The following DROSHA variants were observed in gnomAD, a reference collection of about 807,000 sequenced individuals.
DROSHA encodes drosha ribonuclease III, also known as ribonuclease 3.
A neutral mutation model predicts 181.9 loss-of-function variants in DROSHA; 56 were observed. The ratio of observed to expected loss-of-function variants is 0.31; its 90% CI spans 0.25 to 0.38. The LOEUF (loss-of-function observed/expected upper bound fraction) is 0.38, where lower values mean the gene tolerates loss of function less well. DROSHA is among the 10% of genes least tolerant of loss of function. DROSHA has a pLI of 1.00. For missense variants in DROSHA, 1,218 were observed against 1,743.5 expected (o/e 0.70, Z 5.37); for synonymous variants, 524 against 591.2 (o/e 0.89, Z 1.65).
chr5:31,504,713 G>T, intron 10 of DROSHA, 78 bp from the exon 11 acceptor site: 1 of 1,490,512 alleles, frequency 6.7e-7, no homozygotes, highest in Non-Finnish European at 9.3e-7. Flanking sequence ...CCGAAAATGC[G>T]TGGGTTTTAA....
intron 19 of DROSHA, among the ~76,000 whole-genome samples, chr5:31,464,805 T>G (rs1561203259): frequency 6.6e-6 from 1 of 152,050 alleles, no homozygotes; most frequent in Non-Finnish European, 1.5e-5. Context: ...GCATACTTTA[T>G]ATAAAAAAAG....
chr5:31,432,838 T>C (rs551210334), intron 25 of DROSHA, among the ~76,000 whole-genome samples: 118 of 152,334 alleles, frequency 7.7e-4, no homozygotes, highest in Non-Finnish European at 1.5e-3. Flanking sequence ...TCTTATCCCA[T>C]GGCATTACAA....
chr5:31,529,503 AG>A (rs895841529), intron 3 of DROSHA, among the ~76,000 whole-genome samples: 3 of 152,144 alleles, frequency 2.0e-5, no homozygotes, highest in Non-Finnish European at 4.4e-5. Flanking sequence ...TGGGAGGTCG[AG>A]GCAGGTGGAT....
chr5:31,440,733 C>T (rs1185840851), intron 23 of DROSHA, among the ~76,000 whole-genome samples: 1 of 152,166 alleles, frequency 6.6e-6, no homozygotes, highest in Admixed American at 6.5e-5. Flanking sequence ...AAGTTCCACA[C>T]CTGACCTTAT....
intron 29 of DROSHA, 150 bp from the exon 30 acceptor site, chr5:31,421,527 C>T: frequency 3.1e-6 from 2 of 637,060 alleles, no homozygotes; most frequent in Non-Finnish European, 5.5e-6. Flanking sequence ...CCTAAGGCCC[C>T]TCGATTGAGA....
intron 5 of DROSHA, among the ~76,000 whole-genome samples, chr5:31,525,368 G>A (rs1055646356): frequency 8.7e-5 from 13 of 149,092 alleles, no homozygotes; most frequent in Non-Finnish European, 1.8e-4. Context: ...GCCGAGTGTG[G>A]TCACGTGCAC....
intron 23 of DROSHA, among the ~76,000 whole-genome samples, chr5:31,441,546 T>C (rs1349542437): frequency 6.6e-6 from 1 of 152,168 alleles, no homozygotes; most frequent in African/African-American, 2.4e-5. Flanking sequence ...GTATGACACA[T>C]TATATTAACA....
intron 30 of DROSHA, among the ~76,000 whole-genome samples, chr5:31,413,609 T>C (rs1741594603): frequency 6.6e-6 from 1 of 152,216 alleles, no homozygotes; most frequent in Non-Finnish European, 1.5e-5. Flanking sequence ...CTGAAGATCC[T>C]GAGAGGAGCA....
chr5:31,405,783 T>C, intron 34 of DROSHA, 60 bp from the exon 35 acceptor site: 1 of 1,405,642 alleles, frequency 7.1e-7, no homozygotes, highest in Non-Finnish European at 9.5e-7. Context: ...TTTTTTTTTT[T>C]TTTTTTTTCA....
At chr5:31,476,474 T>A (rs1029503140) in intron 16 of DROSHA, among the ~76,000 whole-genome samples, 1 of 152,276 alleles carries the variant, frequency 6.6e-6, no homozygotes, top group Admixed American at 6.5e-5. Flanking sequence ...CATAGCAGCA[T>A]AGAAACAAGA....
In DROSHA at chr5:31,526,591, A is replaced by T; in HGVS notation, c.342T>A (p.Pro114=). 2 of 1,503,382 alleles carry T rather than the reference A, an allele frequency of 1.3e-6. No individual in the cohort carries two copies. Among genetic ancestry groups the T allele is most frequent in the Non-Finnish European group, 1.8e-6 (2 of 1,131,024 alleles). 93.1% of individuals were successfully genotyped at this position (1,503,382 alleles called of 1,614,324 possible). A position where few individuals can be genotyped will look rare whatever the true frequency, so the allele number is the denominator to read the frequency against. Reference sequence around the variant, plus strand: ...GTGGTGGCATGGGAGGAAAACAAGGAGGAACTGGGAAGGGGTGCCTCATCT... The same window carrying T: ...GTGGTGGCATGGGAGGAAAACAAGGTGGAACTGGGAAGGGGTGCCTCATCT... ...NHQMRHPFPV[P]PCFPPMPPPM... The change falls in exon 5 of 36, where the codon CCT becomes CCA. Residue 114 remains proline, a synonymous_variant. Coordinates refer to ENST00000344624, the MANE Select transcript of DROSHA (RefSeq NM_001382508.1).
intron 13 of DROSHA, among the ~76,000 whole-genome samples, chr5:31,487,646 T>C (rs1751944662): frequency 6.6e-6 from 1 of 152,142 alleles, no homozygotes; most frequent in Admixed American, 6.5e-5. Flanking sequence ...AAGAAACAAA[T>C]TTTAATTCTA....
rs1487063456 is a variant in DROSHA at position 31,531,440 on chromosome 5, T to A, written c.-174+10A>T. 1 of 152,170 alleles carries A rather than the reference T, an allele frequency of 6.6e-6. No homozygotes were observed. Among genetic ancestry groups the A allele is most frequent in the East Asian group, 1.9e-4 (1 of 5,196 alleles). The allele number at this position is 152,170 out of a possible 1,614,324, so 9.4% of individuals were successfully genotyped here. A position where few individuals can be genotyped will look rare whatever the true frequency, so the allele number is the denominator to read the frequency against. ...AGACTTTAATTCAAAAGTCAAGGAATTCACTGCACCTGGAAAAGTAACTCT... is the reference window on the plus strand; with the variant it reads ...AGACTTTAATTCAAAAGTCAAGGAAATCACTGCACCTGGAAAAGTAACTCT... On this transcript the variant is annotated intron_variant, in intron 2 of 35. Coordinates refer to ENST00000344624, the MANE Select transcript of DROSHA (RefSeq NM_001382508.1).
intron 11 of DROSHA, among the ~76,000 whole-genome samples, chr5:31,498,075 G>A (rs531070448): frequency 6.6e-6 from 1 of 152,174 alleles, no homozygotes; most frequent in Non-Finnish European, 1.5e-5. Context: ...ATTCTTGTAA[G>A]GGGAAACTTT....
In DROSHA at chr5:31,437,280, C is replaced by T. The variant is rs1417599250; in HGVS notation, c.2901G>A (p.Arg967=). 3 of 1,580,538 alleles carry T rather than the reference C, an allele frequency of 1.9e-6. No individual in the cohort carries two copies. In the African/African-American group the frequency reaches 4.0e-5, roughly 21 times the overall value. Residue 967 remains arginine, a synonymous_variant, in exon 24 of 36, where the codon CGG becomes CGA. Coordinates refer to ENST00000344624, the MANE Select transcript of DROSHA (RefSeq NM_001382508.1). ...PTPSRINHNE[R]LEFLGDAVVE... The stretch of plus-strand genomic sequence containing the variant: ...CAACAGCATCACCCAGGAATTCCAA[C>T]CGTTCATTGTGGTTAATCCTACAAT...
chr5:31,416,206 A>G (rs757125866), intron 30 of DROSHA, among the ~76,000 whole-genome samples: 1 of 152,138 alleles, frequency 6.6e-6, no homozygotes, highest in Non-Finnish European at 1.5e-5. Flanking sequence ...CCCCCAACCA[A>G]TGCAACTGCA....
chr5:31,458,601 T>G (rs1019497905), intron 20 of DROSHA, among the ~76,000 whole-genome samples: 10 of 152,144 alleles, frequency 6.6e-5, no homozygotes, highest in African/African-American at 2.4e-4. Context: ...GAAAATATCT[T>G]GCAAAAAAAC....
chr5:31,498,249 C>T (rs887861557), intron 11 of DROSHA, among the ~76,000 whole-genome samples: 1 of 152,112 alleles, frequency 6.6e-6, no homozygotes. Flanking sequence ...TACCCTTAAT[C>T]TTACAGCCAC....
At chr5:31,410,943 A>C in intron 30 of DROSHA, 56 bp from the exon 31 acceptor site, 1 of 1,602,940 alleles carries the variant, frequency 6.2e-7, no homozygotes, top group Non-Finnish European at 8.5e-7. Context: ...GACCTCTCTT[A>C]TTCCTGGGTT....
Sources: gnomAD v4.1 joint callset for allele counts (sites outside exome capture counted in the v4.1 genomes callset) on GRCh38, gnomAD v4.1.1 for gene constraint, MANE v1.5 for transcripts, NCBI Gene and HGNC (gene_info 2026-07-23, HGNC 2026-07-21) for gene names.